Variants in PLD5 observed in about 807,000 individuals in gnomAD.
PLD5 encodes inactive phospholipase D5.
Under a neutral mutation model 61.1 loss-of-function variants are expected in PLD5, and 36 were observed. The ratio of observed to expected loss-of-function variants is 0.59; its 90% CI spans 0.45 to 0.78. PLD5 has a LOEUF of 0.78. Ranked by LOEUF, PLD5 falls within the 30% of genes least tolerant of loss-of-function variation. The probability of loss-of-function intolerance (pLI) is 0.00; values close to 1 mark genes in which losing one functional copy is unlikely to be tolerated. For synonymous variants in PLD5, 243 were observed against 242.8 expected (o/e 1.00, Z -0.01); for missense variants, 515 against 644.4 (o/e 0.80, Z 2.17).
chr1:242,350,385 C>T (rs1023832520), intron 1 of PLD5, among the ~76,000 whole-genome samples: 1 of 151,724 alleles, frequency 6.6e-6, no homozygotes, highest in Non-Finnish European at 1.5e-5. Context: ...TTTGGTCAGG[C>T]AGCCAGGCAT....
intron 6 of PLD5, among the ~76,000 whole-genome samples, chr1:242,117,670 C>A (rs1486268751): frequency 6.6e-6 from 1 of 152,128 alleles, no homozygotes; most frequent in African/African-American, 2.4e-5. Flanking sequence ...TGAGCTACCA[C>A]GCCTGGCAAT....
At chr1:242,341,280 C>T (rs1262012507) in intron 2 of PLD5, among the ~76,000 whole-genome samples, 2 of 151,352 alleles carry the variant, frequency 1.3e-5, no homozygotes, top group African/African-American at 2.4e-5. Context: ...TGATACTAAA[C>T]AGGAAAGTGA....
intron 5 of PLD5, among the ~76,000 whole-genome samples, chr1:242,213,228 G>T (rs762907117): frequency 2.0e-5 from 3 of 152,108 alleles, no homozygotes; most frequent in African/African-American, 7.2e-5. Flanking sequence ...ATAATGAAAG[G>T]CCAGCTTGTC....
At chr1:242,400,448 G>T (rs1366729653) in intron 1 of PLD5, among the ~76,000 whole-genome samples, 1 of 151,988 alleles carries the variant, frequency 6.6e-6, no homozygotes, top group Non-Finnish European at 1.5e-5. Flanking sequence ...TTTTCAAAAG[G>T]CCTCAATTAT....
intron 5 of PLD5, among the ~76,000 whole-genome samples, chr1:242,135,722 A>G (rs973992236): frequency 4.6e-5 from 7 of 152,150 alleles, no homozygotes; most frequent in African/African-American, 1.2e-4. Context: ...CTCAGTTCAT[A>G]TTGTAACTTG....
At chr1:242,462,065 C>T (rs1157927922) in intron 1 of PLD5, among the ~76,000 whole-genome samples, 1 of 152,182 alleles carries the variant, frequency 6.6e-6, no homozygotes, top group Non-Finnish European at 1.5e-5. Context: ...TGCAGAAACT[C>T]TTTCATTTAA....
intron 1 of PLD5, among the ~76,000 whole-genome samples, chr1:242,506,986 G>A (rs1206074243): frequency 6.6e-6 from 1 of 152,178 alleles, no homozygotes; most frequent in African/African-American, 2.4e-5. Flanking sequence ...GTAGCAGCAC[G>A]TGTCATGCCA....
intron 6 of PLD5, among the ~76,000 whole-genome samples, chr1:242,115,590 C>T (rs1661881217): frequency 6.6e-6 from 1 of 151,804 alleles, no homozygotes. Context: ...AAGCCATTTA[C>T]TCCAGCATTT....
At chr1:242,269,463 T>C (rs1188291383) in intron 3 of PLD5, among the ~76,000 whole-genome samples, 1 of 150,808 alleles carries the variant, frequency 6.6e-6, no homozygotes, top group African/African-American at 2.4e-5. Context: ...GGGGAGGAAA[T>C]AAACCTGTTT....
chr1:242,527,114 C>CTT (rs530334746), upstream of PLD5, among the ~76,000 whole-genome samples: 368 of 71,940 alleles, frequency 5.1e-3, 40 homozygotes, highest in Non-Finnish European at 6.9e-3. Flanking sequence ...CTATCTCCTT[C>CTT]TTTTTTTTTT....
intron 1 of PLD5, among the ~76,000 whole-genome samples, chr1:242,381,033 C>A (rs1229572021): frequency 6.6e-6 from 1 of 152,176 alleles, no homozygotes. Flanking sequence ...TTTGACCCAG[C>A]AATCCCATTA....
At chr1:242,305,642 C>T (rs183243158) in intron 2 of PLD5, among the ~76,000 whole-genome samples, 166 of 152,242 alleles carry the variant, frequency 1.1e-3, no homozygotes, top group African/African-American at 3.9e-3. Flanking sequence ...TCACTGCAAC[C>T]TCCATCTCCA....
chr1:242,253,998 A>T (rs1672868791), intron 4 of PLD5, among the ~76,000 whole-genome samples: 1 of 152,232 alleles, frequency 6.6e-6, no homozygotes, highest in South Asian at 2.1e-4. Flanking sequence ...AACAATTCCA[A>T]TACAAACTGA....
At chr1:242,275,623 T>C (rs1674370309) in intron 3 of PLD5, among the ~76,000 whole-genome samples, 1 of 152,148 alleles carries the variant, frequency 6.6e-6, no homozygotes, top group African/African-American at 2.4e-5. Context: ...AGATGACAGA[T>C]AAGCAAATAC....
intron 3 of PLD5, among the ~76,000 whole-genome samples, chr1:242,280,821 A>G (rs1674680918): frequency 6.6e-6 from 1 of 152,230 alleles, no homozygotes; most frequent in South Asian, 2.1e-4. Context: ...AGACTTTTAC[A>G]TGGGAGTGAC....
At chr1:242,395,305 A>T (rs1663507251) in intron 1 of PLD5, among the ~76,000 whole-genome samples, 1 of 151,986 alleles carries the variant, frequency 6.6e-6, no homozygotes. Context: ...TTCCCCTACG[A>T]GGAACTTGTT....
intron 1 of PLD5, among the ~76,000 whole-genome samples, chr1:242,480,032 A>G (rs1320896527): frequency 3.3e-5 from 5 of 151,508 alleles, no homozygotes; most frequent in Non-Finnish European, 7.4e-5. Flanking sequence ...GCCTGGTAAC[A>G]GAGCAAGACT....
At chr1:242,415,140 A>C (rs1182963211) in intron 1 of PLD5, among the ~76,000 whole-genome samples, 1 of 152,256 alleles carries the variant, frequency 6.6e-6, no homozygotes, top group African/African-American at 2.4e-5. Context: ...GTTGCAATGT[A>C]GACTGGAGGT....
chr1:242,098,471 T>C (rs1230056946), intron 9 of PLD5, among the ~76,000 whole-genome samples: 1 of 152,178 alleles, frequency 6.6e-6, no homozygotes, highest in East Asian at 1.9e-4. Flanking sequence ...TAATCTTTTT[T>C]CAAGGTTTTT....
Sources: gnomAD v4.1 joint callset for allele counts (sites outside exome capture counted in the v4.1 genomes callset) on GRCh38, gnomAD v4.1.1 for gene constraint, MANE v1.5 for transcripts, NCBI Gene and HGNC (gene_info 2026-07-23, HGNC 2026-07-21) for gene names.